Variants in DPP10 observed in about 807,000 individuals in gnomAD.
DPP10 encodes the protein dipeptidyl peptidase like 10.
Under a neutral mutation model 120.9 loss-of-function variants are expected in DPP10, and 33 were observed. The observed-to-expected ratio is 0.27, with a 90% confidence interval of 0.21 to 0.37. The LOEUF (loss-of-function observed/expected upper bound fraction) is 0.37. DPP10 is among the 10% of genes least tolerant of loss of function. The pLI is 1.00. For missense variants in DPP10, 816 were observed against 942.8 expected (o/e 0.87, Z 1.76); for synonymous variants, 337 against 326.1 (o/e 1.03, Z -0.36).
intron 5 of DPP10, among the ~76,000 whole-genome samples, chr2:115,686,540 A>G (rs62157888): frequency 0.097 from 14,814 of 152,046 alleles, 811 homozygotes; most frequent in Non-Finnish European, 0.12. Context: ...ACAACTGCAA[A>G]CAATGAAAAT....
chr2:115,093,298 TA>T (rs1709433763), intron 1 of DPP10, among the ~76,000 whole-genome samples: 1 of 152,110 alleles, frequency 6.6e-6, no homozygotes, highest in African/African-American at 2.4e-5. Flanking sequence ...GTGTGCATCA[TA>T]AAACAGTATC....
chr2:115,448,109 C>T (rs1615301), intron 3 of DPP10, among the ~76,000 whole-genome samples: 125,536 of 151,778 alleles, frequency 0.83, 54,966 homozygotes, highest in Non-Finnish European at 0.97. Flanking sequence ...GTCTGAGGTA[C>T]AGTGAATGAG....
At chr2:114,444,297 C>G (rs1677820392) in intron 1 of DPP10, among the ~76,000 whole-genome samples, 1 of 152,146 alleles carries the variant, frequency 6.6e-6, no homozygotes, top group Non-Finnish European at 1.5e-5. Flanking sequence ...ATAGTAAATA[C>G]ATGACACTCT....
intron 21 of DPP10, 52 bp from the exon 22 acceptor site, chr2:115,836,099 ATGTGTG>A (rs10549769): frequency 3.1e-5 from 19 of 608,066 alleles, no homozygotes; most frequent in African/African-American, 6.0e-5. Flanking sequence ...GTGTGTGTGT[ATGTGTG>A]TGTGTGTGTG....
rs965771120 is a variant in DPP10, at chr2:115,081,698, GA to G, written c.61-227531del. ...TTTTGACATGATGAATATTCTTTTT[GA>G]AAAAAAAAATTTAGAACTAATTGAC... On this transcript the variant is annotated intron_variant, in intron 1 of 25. Transcript: ENST00000410059. Among the ~76,000 whole-genome samples the G allele has an allele frequency of 2.5e-4, 37 of 149,464 alleles. 1 individual carries two copies. Among genetic ancestry groups the G allele is most frequent in the African/African-American group, 5.1e-4 (21 of 40,798 alleles).
At chr2:114,923,469 T>TCACTTTCTTGATGGTGTAC (rs1695354339) in intron 1 of DPP10, among the ~76,000 whole-genome samples, 1 of 143,796 alleles carries the variant, frequency 7.0e-6, no homozygotes, top group Admixed American at 7.2e-5. Flanking sequence ...TTGGCCTTTT[T>TCACTTTCTTGATGGTGTAC]TCCTTTTTTT....
At position 115,787,881 on chromosome 2, in the gene DPP10, C is replaced by A. The variant is rs570627324; in HGVS notation, c.1532-3200C>A. ...CATAGTAAAAACGAATGACTACAGA[C>A]ATCTCATCAGAAAAAAGCAAACTGG... On this transcript the variant is annotated intron_variant, in intron 17 of 25. Coordinates refer to ENST00000410059, the MANE Select transcript of DPP10 (RefSeq NM_020868.6). 1.3e-4 allele frequency among the ~76,000 whole-genome samples: 20 copies of A among 152,236 alleles called. No homozygotes were observed. The South Asian group carries it at 3.9e-3, about 30-fold the overall frequency.
intron 1 of DPP10, among the ~76,000 whole-genome samples, chr2:115,205,911 C>G (rs2056088829): frequency 6.6e-6 from 1 of 152,140 alleles, no homozygotes; most frequent in Non-Finnish European, 1.5e-5. Flanking sequence ...GATTGAAAAA[C>G]TGCCTTTGAG....
intron 13 of DPP10, among the ~76,000 whole-genome samples, chr2:115,771,272 C>T (rs1292746297): frequency 6.6e-6 from 1 of 151,812 alleles, no homozygotes; most frequent in Non-Finnish European, 1.5e-5. Flanking sequence ...GCGGGTTTCA[C>T]CGTGTTGCCC....
intron 1 of DPP10, among the ~76,000 whole-genome samples, chr2:114,889,881 A>T (rs560388867): frequency 6.6e-6 from 1 of 152,344 alleles, no homozygotes; most frequent in South Asian, 2.1e-4. Context: ...TACATGCTGT[A>T]TACCTCTTTA....
At chr2:115,142,705 A>T (rs2050996027) in intron 1 of DPP10, among the ~76,000 whole-genome samples, 1 of 152,032 alleles carries the variant, frequency 6.6e-6, no homozygotes, top group Non-Finnish European at 1.5e-5. Context: ...CTCTATCAGG[A>T]CCCAGGGAAG....
At chr2:114,672,303 G>T (rs949086797) in intron 1 of DPP10, among the ~76,000 whole-genome samples, 1 of 152,126 alleles carries the variant, frequency 6.6e-6, no homozygotes, top group Admixed American at 6.6e-5. Context: ...AGAAAACAGG[G>T]TTAATGGAAA....
chr2:115,151,784 C>CT (rs2051579059), intron 1 of DPP10, among the ~76,000 whole-genome samples: 1 of 149,388 alleles, frequency 6.7e-6, no homozygotes, highest in African/African-American at 2.5e-5. Flanking sequence ...ATTCATGGAT[C>CT]TTTTTGCCAT....
intron 9 of DPP10, 121 bp downstream of exon 9, chr2:115,740,014 G>A: frequency 9.2e-7 from 1 of 1,086,566 alleles, no homozygotes; most frequent in Non-Finnish European, 1.4e-6. Flanking sequence ...TTCCTTACTT[G>A]TCAGACTCAT....
At chr2:114,943,263 C>T (rs780231959) in intron 1 of DPP10, among the ~76,000 whole-genome samples, 3 of 151,990 alleles carry the variant, frequency 2.0e-5, no homozygotes, top group Non-Finnish European at 4.4e-5. Flanking sequence ...TATTCCATGT[C>T]GTATATGTGC....
chr2:114,984,754 A>C (rs1700295442), intron 1 of DPP10, among the ~76,000 whole-genome samples: 1 of 152,182 alleles, frequency 6.6e-6, no homozygotes, highest in Admixed American at 6.5e-5. Context: ...CTCTACTGTG[A>C]TATCAGAGCC....
At chr2:114,780,600 A>G (rs1349666842) in intron 1 of DPP10, among the ~76,000 whole-genome samples, 1 of 152,132 alleles carries the variant, frequency 6.6e-6, no homozygotes, top group African/African-American at 2.4e-5. Flanking sequence ...ATAACACACT[A>G]TTAAATTACA....
chr2:115,149,349 C>T (rs1238060366), intron 1 of DPP10, among the ~76,000 whole-genome samples: 7 of 152,088 alleles, frequency 4.6e-5, no homozygotes, highest in Non-Finnish European at 1.5e-5. Context: ...TTCCTTTCAC[C>T]TACAATTTGG....
At chr2:114,674,441 T>C (rs1372906825) in intron 1 of DPP10, among the ~76,000 whole-genome samples, 1 of 152,140 alleles carries the variant, frequency 6.6e-6, no homozygotes, top group Non-Finnish European at 1.5e-5. Context: ...CAATGATATA[T>C]TTTGGATTAT....
Sources: gnomAD v4.1 joint callset for allele counts (sites outside exome capture counted in the v4.1 genomes callset) on GRCh38, gnomAD v4.1.1 for gene constraint, MANE v1.5 for transcripts, NCBI Gene and HGNC (gene_info 2026-07-23, HGNC 2026-07-21) for gene names.